NUP93: variants seen among roughly 807,000 people sequenced by gnomAD.
The protein encoded by NUP93 is nuclear pore complex protein Nup93.
In NUP93, 55 loss-of-function variants were observed where a neutral mutation model predicts 107.8. The ratio of observed to expected loss-of-function variants is 0.51; its 90% CI spans 0.41 to 0.64. The LOEUF (loss-of-function observed/expected upper bound fraction) is 0.64, where lower values mean the gene tolerates loss of function less well. NUP93 is among the 30% of genes least tolerant of loss of function. The pLI is 0.00. For missense variants in NUP93, 937 were observed against 1,044.7 expected (o/e 0.90, Z 1.42); for synonymous variants, 390 against 397.5 (o/e 0.98, Z 0.22).
At position 56,832,027 on chromosome 16, in the gene NUP93, C is replaced by T. The variant is rs1963802554; in HGVS notation, c.1251+20C>T. 1 of 1,613,216 alleles carries T rather than the reference C, an allele frequency of 6.2e-7. No individual in the cohort carries two copies. Among genetic ancestry groups the T allele is most frequent in the Admixed American group, 1.7e-5 (1 of 59,962 alleles). On this transcript the variant is annotated intron_variant, in intron 11 of 21. Coordinates refer to ENST00000308159, the MANE Select transcript of NUP93 (RefSeq NM_014669.5). Reference sequence around the variant, plus strand: ...CTGAAGGTAGGCACTGTTTCCCCTGCCCACATAGGGCTTTACCCCTTTTCT... The same window carrying T: ...CTGAAGGTAGGCACTGTTTCCCCTGTCCACATAGGGCTTTACCCCTTTTCT...
chr16:56,779,656 C>G (rs1193767577), intron 3 of NUP93, among the ~76,000 whole-genome samples: 6 of 152,126 alleles, frequency 3.9e-5, no homozygotes, highest in Non-Finnish European at 8.8e-5. Flanking sequence ...TCTTGCAACT[C>G]CAAGCCAGCC....
At chr16:56,793,039 T>C (rs1021468124) in intron 3 of NUP93, among the ~76,000 whole-genome samples, 2 of 152,220 alleles carry the variant, frequency 1.3e-5, no homozygotes, top group Admixed American at 6.5e-5. Context: ...GGGATGATTA[T>C]GTCTGTTCTT....
At chr16:56,745,151 G>A (rs1271533537) in intron 1 of NUP93, among the ~76,000 whole-genome samples, 1 of 152,206 alleles carries the variant, frequency 6.6e-6, no homozygotes, top group Non-Finnish European at 1.5e-5. Context: ...CTCAAAGGCA[G>A]AGTGACAGGT....
rs1011202373 is a variant in NUP93 at position 56,847,942 on chromosome 16, G to A, written c.*3333G>A. The A allele has an allele frequency of 2.0e-5, 3 of 152,168 alleles. No individual in the cohort carries two copies. The East Asian group carries it at 5.8e-4, about 29-fold the overall frequency. The allele number at this position is 152,168 out of a possible 1,614,324, so 9.4% of individuals were successfully genotyped here. A position where few individuals can be genotyped will look rare whatever the true frequency, so the allele number is the denominator to read the frequency against. The stretch of plus-strand genomic sequence containing the variant: ...GCAAAGAACTACAGACTTTTCCGCA[G>A]TGTCCAGCATTTGCTGACCAAAAAA... On this transcript the variant is annotated 3_prime_UTR_variant, in exon 22 of 22. Transcript: ENST00000308159.
At chr16:56,816,825 T>C (rs1238960372) in intron 5 of NUP93, among the ~76,000 whole-genome samples, 6 of 152,152 alleles carry the variant, frequency 3.9e-5, no homozygotes, top group African/African-American at 1.4e-4. Flanking sequence ...AAATCTGCCA[T>C]GGTGGGAGAA....
chr16:56,801,799 C>T lies in NUP93; in HGVS notation c.360+3261C>T, dbSNP rs1260878572. Among the ~76,000 whole-genome samples the T allele has an allele frequency of 5.3e-5, 8 of 152,250 alleles. No individual in the cohort carries two copies. The East Asian group carries it at 1.2e-3, about 22-fold the overall frequency. On this transcript the variant is annotated intron_variant, in intron 4 of 21. Transcript: ENST00000308159. ...TCAGATATATCTGAGGATTTGAACCCGGAAAGCTGATAGTTTTCAAAGTAC... is the reference window on the plus strand; with the variant it reads ...TCAGATATATCTGAGGATTTGAACCTGGAAAGCTGATAGTTTTCAAAGTAC...
At chr16:56,823,954 G>C (rs1208152193) in intron 8 of NUP93, 108 bp downstream of exon 8, 1 of 1,331,068 alleles carries the variant, frequency 7.5e-7, no homozygotes, top group African/African-American at 1.5e-5. Context: ...TATAATTTAA[G>C]ATTTATTATG....
chr16:56,818,698 G>A lies in NUP93; in HGVS notation c.524G>A (p.Arg175Gln), dbSNP rs764790250. Residue 175 changes from arginine (R) to glutamine (Q), a missense_variant, in exon 6 of 22, where the codon CGA becomes CAA. Physicochemically the swap from Arg to Gln is conservative, Grantham distance 43. Coordinates refer to ENST00000308159, the MANE Select transcript of NUP93 (RefSeq NM_014669.5). ...SYISDVGPPGRSSLDNIEMAY... is the reference protein window; with the variant it reads ...SYISDVGPPGQSSLDNIEMAY... ...ATCAGTGATGTGGGACCCCCTGGTC[G>A]AAGCTCTCTGGATAACATCGAGATG... is the stretch of plus-strand genomic sequence containing the variant. 3.1e-6 allele frequency: 5 copies of A among 1,614,030 alleles called. No individual in the cohort carries two copies. Among genetic ancestry groups the A allele is most frequent in the African/African-American group, 2.7e-5 (2 of 74,924 alleles).
At chr16:56,758,875 A>T (rs538585438) in intron 3 of NUP93, among the ~76,000 whole-genome samples, 3 of 152,334 alleles carry the variant, frequency 2.0e-5, no homozygotes, top group Admixed American at 6.5e-5. Flanking sequence ...AAGCAATTCC[A>T]ACCTGCACTT....
rs1417448352 is a variant in NUP93 at position 56,850,042 on chromosome 16, T to G, written c.*5433T>G. The G allele has an allele frequency of 3.9e-5, 6 of 152,266 alleles. No individual in the cohort carries two copies. Among genetic ancestry groups the G allele is most frequent in the South Asian group, 2.1e-4 (1 of 4,834 alleles). The allele number at this position is 152,266 out of a possible 1,614,324, so 9.4% of individuals were successfully genotyped here. A position where few individuals can be genotyped will look rare whatever the true frequency, so the allele number is the denominator to read the frequency against. Reference sequence around the variant, plus strand: ...CTTTTCTCACTTGATCAGTAACTTGTGTTAGAAACTCAGTGGGGGAGAATT... The same window carrying G: ...CTTTTCTCACTTGATCAGTAACTTGGGTTAGAAACTCAGTGGGGGAGAATT... On this transcript the variant is annotated 3_prime_UTR_variant, in exon 22 of 22. Coordinates refer to ENST00000308159, the MANE Select transcript of NUP93 (RefSeq NM_014669.5).
chr16:56,838,903 G>C (rs774353376), intron 18 of NUP93, 49 bp from the exon 19 acceptor site: 12 of 1,316,590 alleles, frequency 9.1e-6, no homozygotes, highest in African/African-American at 1.5e-5. Context: ...GGATTACACA[G>C]AAATTCCTGA....
chr16:56,821,637 TC>T (rs140136028), intron 7 of NUP93, 44 bp downstream of exon 7: 126,995 of 1,330,092 alleles, frequency 0.095, 6,432 homozygotes, highest in East Asian at 0.15. Context: ...GGTCCAGTGT[TC>T]CGATGGGCCT....
rs192205492 is a variant in NUP93, at chr16:56,731,890, C to T, written c.-15+1679C>T. Among the ~76,000 whole-genome samples the T allele has an allele frequency of 2.0e-5, 3 of 151,838 alleles. No individual in the cohort carries two copies. The East Asian group carries it at 5.8e-4, about 29-fold the overall frequency. ...GCTGTCAGATCGTATCATTCCTTTACTTAAAAGAAAAAAAAAACCCTCCAA... is the reference window on the plus strand; with the variant it reads ...GCTGTCAGATCGTATCATTCCTTTATTTAAAAGAAAAAAAAAACCCTCCAA... On this transcript the variant is annotated intron_variant, in intron 1 of 21. Transcript: ENST00000308159.
At chr16:56,799,457 T>G (rs1962974636) in intron 4 of NUP93, among the ~76,000 whole-genome samples, 1 of 152,196 alleles carries the variant, frequency 6.6e-6, no homozygotes, top group South Asian at 2.1e-4. Context: ...TCAAAACCTT[T>G]CCATAACATC....
intron 2 of NUP93, among the ~76,000 whole-genome samples, chr16:56,751,049 G>C (rs555060918): frequency 6.6e-6 from 1 of 152,040 alleles, no homozygotes; most frequent in Admixed American, 6.6e-5. Context: ...TCGGGAGGCT[G>C]AGGTAGGAGG....
At chr16:56,740,073 G>A (rs1397395508) in intron 1 of NUP93, among the ~76,000 whole-genome samples, 2 of 115,260 alleles carry the variant, frequency 1.7e-5, no homozygotes, top group African/African-American at 7.2e-5. Flanking sequence ...CCGGGCGGAG[G>A]GCTCACCCCC....
At chr16:56,772,776 A>G (rs537670803) in intron 3 of NUP93, among the ~76,000 whole-genome samples, 3 of 152,266 alleles carry the variant, frequency 2.0e-5, no homozygotes, top group South Asian at 4.2e-4. Flanking sequence ...GCATTTCCTT[A>G]CTTTGGCCAT....
chr16:56,801,244 C>CAT (rs1963014411), intron 4 of NUP93, among the ~76,000 whole-genome samples: 1 of 152,152 alleles, frequency 6.6e-6, no homozygotes, highest in Non-Finnish European at 1.5e-5. Flanking sequence ...TTCTTCTTTG[C>CAT]ACTTTAGTTC....
intron 1 of NUP93, among the ~76,000 whole-genome samples, chr16:56,740,134 C>CA (rs1961697681): frequency 7.7e-6 from 1 of 130,682 alleles, no homozygotes; most frequent in Non-Finnish European, 1.6e-5. Context: ...CTGACCCCCC[C>CA]ACCTCCCTCC....
Sources: allele counts gnomAD v4.1 joint callset (sites outside exome capture counted in the v4.1 genomes callset), GRCh38; gene constraint gnomAD v4.1.1; transcripts MANE v1.5; gene names NCBI Gene and HGNC (gene_info 2026-07-23, HGNC 2026-07-21).